CACHD1: variants seen among roughly 807,000 people sequenced by gnomAD.
CACHD1 encodes the protein VWFA and cache domain-containing protein 1.
A neutral mutation model predicts 138.7 loss-of-function variants in CACHD1; 71 were observed. That is an observed-to-expected ratio of 0.51 (90% CI 0.42 to 0.62). The LOEUF (loss-of-function observed/expected upper bound fraction) is 0.62, where lower values mean the gene tolerates loss of function less well. Among genes scored for constraint, CACHD1 ranks in the 20% least tolerant of loss-of-function variants. The pLI, the probability that CACHD1 is intolerant of heterozygous loss-of-function variation, is 0.00. For synonymous variants in CACHD1, 578 were observed against 591.5 expected (o/e 0.98, Z 0.33); for missense variants, 1,389 against 1,625.3 (o/e 0.85, Z 2.50).
intron 23 of CACHD1, among the ~76,000 whole-genome samples, chr1:64,679,066 G>T (rs1040850660): frequency 6.6e-6 from 1 of 152,180 alleles, no homozygotes; most frequent in Non-Finnish European, 1.5e-5. Flanking sequence ...CTAGGTGAGG[G>T]TACATATGTG....
intron 1 of CACHD1, among the ~76,000 whole-genome samples, chr1:64,475,123 G>C (rs1029861004): frequency 1.3e-5 from 2 of 150,926 alleles, no homozygotes; most frequent in Admixed American, 1.3e-4. Flanking sequence ...GAATTAAAGA[G>C]CAACGCTTCT....
intron 1 of CACHD1, among the ~76,000 whole-genome samples, chr1:64,523,243 A>C (rs573006927): frequency 6.6e-6 from 1 of 152,334 alleles, no homozygotes; most frequent in South Asian, 2.1e-4. Flanking sequence ...TAGGTTGGGG[A>C]AAGTGAGCAT....
chr1:64,662,279 G>A (rs1375743874), intron 13 of CACHD1, among the ~76,000 whole-genome samples: 1 of 152,112 alleles, frequency 6.6e-6, no homozygotes, highest in African/African-American at 2.4e-5. Context: ...CTTGACTTGG[G>A]GTTCCTATCA....
intron 4 of CACHD1, among the ~76,000 whole-genome samples, chr1:64,619,300 G>A (rs1051184049): frequency 6.6e-6 from 1 of 152,238 alleles, no homozygotes; most frequent in South Asian, 2.1e-4. Flanking sequence ...AATGGAGAAG[G>A]CATATTTTTT....
intron 4 of CACHD1, among the ~76,000 whole-genome samples, chr1:64,621,390 T>A (rs1647908203): frequency 1.3e-5 from 2 of 152,184 alleles, no homozygotes; most frequent in South Asian, 2.1e-4. Context: ...TCTTCCCCTT[T>A]TTTTGTATAA....
chr1:64,621,464 C>T (rs1170585543), intron 4 of CACHD1, among the ~76,000 whole-genome samples: 1 of 152,126 alleles, frequency 6.6e-6, no homozygotes, highest in African/African-American at 2.4e-5. Flanking sequence ...ATACTTCCTT[C>T]CCCATGGAGC....
At chr1:64,681,402 CT>C in intron 25 of CACHD1, 67 bp downstream of exon 25, 1 of 1,270,058 alleles carries the variant, frequency 7.9e-7, no homozygotes, top group East Asian at 2.3e-5. Context: ...AATATTCTTT[CT>C]TATATCCTTT....
At position 64,602,779 on chromosome 1, in the gene CACHD1, AT is replaced by A. The variant is rs773192353; in HGVS notation, c.411-25del. 5.4e-6 allele frequency: 8 copies of A among 1,493,172 alleles called. No homozygotes were observed. In the Admixed American group the frequency reaches 1.3e-4, roughly 25 times the overall value. The allele number at this position is 1,493,172 out of a possible 1,614,324, so 92.5% of individuals were successfully genotyped here. On this transcript the variant is annotated intron_variant, in intron 3 of 26. Coordinates refer to ENST00000651257, the MANE Select transcript of CACHD1 (RefSeq NM_020925.4). ...GTTGGTTTTTCTGGCCTGAATAAGTATTGCTAATTCTCTCCTATTGTTTCAG... is the reference window on the plus strand; with the variant it reads ...GTTGGTTTTTCTGGCCTGAATAAGTATGCTAATTCTCTCCTATTGTTTCAG...
At chr1:64,620,476 G>A (rs890283733) in intron 4 of CACHD1, among the ~76,000 whole-genome samples, 2 of 152,104 alleles carry the variant, frequency 1.3e-5, no homozygotes, top group Non-Finnish European at 2.9e-5. Context: ...TCATCCATTT[G>A]GATGTTAAAT....
intron 3 of CACHD1, among the ~76,000 whole-genome samples, chr1:64,584,996 A>G (rs968986836): frequency 3.3e-5 from 5 of 152,224 alleles, no homozygotes; most frequent in African/African-American, 1.2e-4. Context: ...TTTGGCCATT[A>G]GGAGGAACAT....
chr1:64,500,282 A>G (rs932191688), intron 1 of CACHD1, among the ~76,000 whole-genome samples: 1 of 152,218 alleles, frequency 6.6e-6, no homozygotes, highest in African/African-American at 2.4e-5. Flanking sequence ...AGTAGGCAGC[A>G]TACACATACC....
chr1:64,643,265 A>G (rs1648788006), intron 8 of CACHD1, among the ~76,000 whole-genome samples: 1 of 151,492 alleles, frequency 6.6e-6, no homozygotes, highest in East Asian at 1.9e-4. Flanking sequence ...AGATCCTCTT[A>G]GGAGGGGTTC....
intron 3 of CACHD1, among the ~76,000 whole-genome samples, chr1:64,601,774 G>A: frequency 6.6e-6 from 1 of 152,154 alleles, no homozygotes; most frequent in East Asian, 1.9e-4. Flanking sequence ...CTCTATTTGG[G>A]TTCATGGAGT....
At chr1:64,482,057 A>G (rs1222378409) in intron 1 of CACHD1, among the ~76,000 whole-genome samples, 1 of 152,228 alleles carries the variant, frequency 6.6e-6, no homozygotes, top group Admixed American at 6.5e-5. Flanking sequence ...ATATAAATGT[A>G]TAATATTTAT....
chr1:64,666,787 G>T (rs140283303), intron 16 of CACHD1, among the ~76,000 whole-genome samples: 22 of 148,414 alleles, frequency 1.5e-4, no homozygotes, highest in African/African-American at 5.0e-4. Context: ...GAGGCAGGAG[G>T]CTAGCACCCT....
intron 1 of CACHD1, among the ~76,000 whole-genome samples, chr1:64,500,744 G>C (rs1301461871): frequency 7.7e-6 from 1 of 130,408 alleles, no homozygotes; most frequent in Non-Finnish European, 1.6e-5. Flanking sequence ...AAGAGAGAGA[G>C]AGAGAGAGAG....
intron 3 of CACHD1, among the ~76,000 whole-genome samples, chr1:64,587,448 T>C (rs192833488): frequency 6.6e-5 from 10 of 152,304 alleles, no homozygotes; most frequent in African/African-American, 7.2e-5. Flanking sequence ...ACCTGCAAAG[T>C]GGCAGAAAAT....
chr1:64,489,718 G>A lies in CACHD1; in HGVS notation c.198+18776G>A, dbSNP rs1646263016. ...ATGCCAGAGGTCTCAGGAAGTGTTT[G>A]CTTTTTCTTCATGTGAGGATACATA... On this transcript the variant is annotated intron_variant, in intron 1 of 26. Coordinates refer to ENST00000651257, the MANE Select transcript of CACHD1 (RefSeq NM_020925.4). Among the ~76,000 whole-genome samples, 5 of 152,246 alleles carry A rather than the reference G, an allele frequency of 3.3e-5. No individual in the cohort carries two copies. The South Asian group carries it at 1.0e-3, about 32-fold the overall frequency.
chr1:64,613,878 C>A (rs1278369682), intron 4 of CACHD1, among the ~76,000 whole-genome samples: 1 of 152,152 alleles, frequency 6.6e-6, no homozygotes, highest in Non-Finnish European at 1.5e-5. Flanking sequence ...ATCTCTAGCT[C>A]CAGACCTGGT....
Sources: allele counts gnomAD v4.1 joint callset (sites outside exome capture counted in the v4.1 genomes callset), GRCh38; gene constraint gnomAD v4.1.1; transcripts MANE v1.5; gene names NCBI Gene and HGNC (gene_info 2026-07-23, HGNC 2026-07-21).